Variants in NRXN1 observed in about 807,000 individuals in gnomAD.
NRXN1 encodes the protein neurexin 1, also known as neurexin-1.
In NRXN1, 39 loss-of-function variants were observed where a neutral mutation model predicts 150.9. The observed-to-expected ratio is 0.26, with a 90% confidence interval of 0.20 to 0.34. The LOEUF (loss-of-function observed/expected upper bound fraction) is 0.34, where lower values mean the gene tolerates loss of function less well. NRXN1 is among the 10% of genes least tolerant of loss of function. The pLI is 1.00. For synonymous variants in NRXN1, 924 were observed against 757.0 expected (o/e 1.22, Z -3.62); for missense variants, 1,815 against 1,949.9 (o/e 0.93, Z 1.30).
At chr2:49,951,266 T>G (rs1001096436) in intron 21 of NRXN1, among the ~76,000 whole-genome samples, 1 of 152,004 alleles carries the variant, frequency 6.6e-6, no homozygotes, top group Non-Finnish European at 1.5e-5. Flanking sequence ...TTAGCAAACT[T>G]ATTCAAAATA....
intron 1 of NRXN1, among the ~76,000 whole-genome samples, chr2:51,031,438 T>C (rs1479828462): frequency 2.0e-5 from 3 of 152,068 alleles, no homozygotes; most frequent in African/African-American, 7.2e-5. Flanking sequence ...CATGCACCCT[T>C]CAATATATAT....
intron 5 of NRXN1, among the ~76,000 whole-genome samples, chr2:50,631,950 T>A (rs1028420480): frequency 2.0e-5 from 3 of 151,982 alleles, no homozygotes; most frequent in African/African-American, 7.2e-5. Flanking sequence ...AGTAGCTTCA[T>A]GAATATGGAC....
chr2:50,433,309 T>G (rs1178280019), intron 17 of NRXN1, among the ~76,000 whole-genome samples: 1 of 152,234 alleles, frequency 6.6e-6, no homozygotes, highest in Non-Finnish European at 1.5e-5. Context: ...AGTCTTCTGA[T>G]TCACATGTCA....
intron 5 of NRXN1, among the ~76,000 whole-genome samples, chr2:50,630,623 A>C (rs1682118729): frequency 6.6e-6 from 1 of 151,770 alleles, no homozygotes; most frequent in Admixed American, 6.6e-5. Context: ...GTATGCCAAA[A>C]AACTAGCCAA....
intron 17 of NRXN1, among the ~76,000 whole-genome samples, chr2:50,279,066 T>C (rs1226804333): frequency 2.6e-5 from 4 of 152,222 alleles, no homozygotes; most frequent in Non-Finnish European, 4.4e-5. Flanking sequence ...CATTTTGATA[T>C]CTGTGGCATC....
chr2:50,672,668 T>G (rs556003996), intron 5 of NRXN1, among the ~76,000 whole-genome samples: 39 of 151,976 alleles, frequency 2.6e-4, no homozygotes, highest in Non-Finnish European at 4.9e-4. Flanking sequence ...AGAGGCTAAA[T>G]GAAGACAAAA....
chr2:50,687,686 T>C (rs1188695576), intron 5 of NRXN1, among the ~76,000 whole-genome samples: 2 of 152,238 alleles, frequency 1.3e-5, no homozygotes, highest in Admixed American at 6.5e-5. Flanking sequence ...ATTTTGAATA[T>C]GCAGAGGCTT....
intron 17 of NRXN1, among the ~76,000 whole-genome samples, chr2:50,424,581 C>T (rs1246799800): frequency 6.6e-6 from 1 of 152,040 alleles, no homozygotes; most frequent in Non-Finnish European, 1.5e-5. Flanking sequence ...CCTAGGTAAG[C>T]CAGCTCTGAA....
chr2:50,748,215 T>C (rs1365287409), intron 5 of NRXN1, among the ~76,000 whole-genome samples: 2 of 152,178 alleles, frequency 1.3e-5, no homozygotes, highest in Non-Finnish European at 2.9e-5. Context: ...GCTGTACTTT[T>C]ACCCAGCAAA....
intron 2 of NRXN1, among the ~76,000 whole-genome samples, chr2:50,986,703 AT>A (rs1342122471): frequency 6.7e-6 from 1 of 148,532 alleles, no homozygotes; most frequent in Non-Finnish European, 1.5e-5. Flanking sequence ...TTATTAGCAT[AT>A]AAGCTTTTTT....
intron 21 of NRXN1, among the ~76,000 whole-genome samples, chr2:50,021,261 A>G (rs1687521852): frequency 6.6e-6 from 1 of 152,208 alleles, no homozygotes; most frequent in Non-Finnish European, 1.5e-5. Flanking sequence ...TTAAGGATCA[A>G]GTTGCTTAGA....
rs1553513456 is a variant in NRXN1 at position 50,373,679 on chromosome 2, A to AAAGAAGG, written c.3364+91762_3364+91763insCCTTCTT. On this transcript the variant is annotated intron_variant, in intron 17 of 22. Transcript: ENST00000401669. Reference sequence around the variant, plus strand: ...GAAAGAAAGAAAGAAAGAAAGAAAGAAAAGAAAGAAGGAAAGAAAGAAAGA... The same window carrying AAAGAAGG: ...GAAAGAAAGAAAGAAAGAAAGAAAGAAAGAAGGAAAGAAAGAAGGAAAGAAAGAAAGA... Among the ~76,000 whole-genome samples, 385 of 65,452 alleles carry AAAGAAGG rather than the reference A, an allele frequency of 5.9e-3. 7 individuals carry two copies. The highest frequency in any genetic ancestry group is 0.019 in the African/African-American group (315 of 16,522). 42.9% of individuals were successfully genotyped at this position (65,452 alleles called of 152,430 possible). A position where few individuals can be genotyped will look rare whatever the true frequency, so the allele number is the denominator to read the frequency against.
chr2:50,178,863 T>C (rs1254882308), intron 18 of NRXN1, among the ~76,000 whole-genome samples: 13 of 152,132 alleles, frequency 8.5e-5, no homozygotes, highest in Admixed American at 8.5e-4. Context: ...ACAGCAGTAG[T>C]TGAAATCAGG....
intron 13 of NRXN1, among the ~76,000 whole-genome samples, chr2:50,498,288 A>C (rs919715660): frequency 1.3e-5 from 2 of 152,226 alleles, no homozygotes; most frequent in Non-Finnish European, 1.5e-5. Context: ...TACACTATTC[A>C]CTTTCCCTCT....
At chr2:50,868,912 A>G (rs1677355379) in intron 5 of NRXN1, among the ~76,000 whole-genome samples, 1 of 151,880 alleles carries the variant, frequency 6.6e-6, no homozygotes, top group African/African-American at 2.4e-5. Context: ...GAAATATAAA[A>G]GCTTATCATC....
intron 2 of NRXN1, chr2:50,963,882 C>T: frequency 3.0e-6 from 1 of 331,722 alleles, no homozygotes; most frequent in South Asian, 2.5e-5. Context: ...TGAAAATAGC[C>T]AACTCAATAA....
At chr2:50,706,241 A>C (rs1162973505) in intron 5 of NRXN1, among the ~76,000 whole-genome samples, 2 of 152,158 alleles carry the variant, frequency 1.3e-5, no homozygotes, top group African/African-American at 4.8e-5. Flanking sequence ...TGAACTCTCA[A>C]CAAAACAGTC....
At chr2:50,270,977 T>C (rs917634880) in intron 17 of NRXN1, among the ~76,000 whole-genome samples, 2 of 152,302 alleles carry the variant, frequency 1.3e-5, no homozygotes, top group African/African-American at 2.4e-5. Flanking sequence ...ATATAGGTTT[T>C]TGAATAATTG....
chr2:50,950,478 A>C (rs1418449581), intron 2 of NRXN1, among the ~76,000 whole-genome samples: 1 of 152,212 alleles, frequency 6.6e-6, no homozygotes, highest in Non-Finnish European at 1.5e-5. Context: ...AGAAAATCAC[A>C]TATTAACAAT....
Sources: allele counts gnomAD v4.1 joint callset (sites outside exome capture counted in the v4.1 genomes callset), GRCh38; gene constraint gnomAD v4.1.1; transcripts MANE v1.5; gene names NCBI Gene and HGNC (gene_info 2026-07-23, HGNC 2026-07-21).